The following PARD3B variants were observed in gnomAD, a reference collection of about 807,000 sequenced individuals.
The protein encoded by PARD3B is par-3 family cell polarity regulator beta, also known as partitioning defective 3 homolog B.
In PARD3B, 103 loss-of-function variants were observed where a neutral mutation model predicts 130.2. The observed-to-expected ratio is 0.79, with a 90% CI of 0.67 to 0.93. The LOEUF is 0.93. Among genes scored for constraint, PARD3B ranks in the 40% least tolerant of loss-of-function variants. The pLI, the probability that PARD3B is intolerant of heterozygous loss-of-function variation, is 0.00. For missense variants in PARD3B, 1,609 were observed against 1,499.2 expected, an observed-to-expected ratio of 1.07 and a Z score of -1.21; for synonymous variants, 583 against 553.2, an observed-to-expected ratio of 1.05 and a Z score of -0.76.
chr2:205,348,832 G>A (rs1464615346), intron 18 of PARD3B, among the ~76,000 whole-genome samples: 1 of 151,928 alleles, frequency 6.6e-6, no homozygotes, highest in Non-Finnish European at 1.5e-5. Flanking sequence ...GATTTTTATT[G>A]TACACTGGAA....
At chr2:204,630,171 A>G (rs1159380427) in intron 1 of PARD3B, among the ~76,000 whole-genome samples, 5 of 152,140 alleles carry the variant, frequency 3.3e-5, no homozygotes, top group African/African-American at 1.2e-4. Flanking sequence ...TGATAGTGTT[A>G]TACTCAATCT....
intron 4 of PARD3B, among the ~76,000 whole-genome samples, chr2:205,068,507 C>T (rs1293796241): frequency 6.6e-6 from 1 of 151,902 alleles, no homozygotes; most frequent in Non-Finnish European, 1.5e-5. Flanking sequence ...CATTCTTTTC[C>T]AGTTTATTAA....
intron 16 of PARD3B, among the ~76,000 whole-genome samples, chr2:205,266,750 T>G (rs1444192897): frequency 6.6e-6 from 1 of 152,178 alleles, no homozygotes; most frequent in Non-Finnish European, 1.5e-5. Context: ...AATTAAAGGA[T>G]TCTTTTCAAT....
intron 18 of PARD3B, among the ~76,000 whole-genome samples, chr2:205,330,872 G>A (rs1255583956): frequency 1.3e-5 from 2 of 152,198 alleles, no homozygotes; most frequent in Admixed American, 1.3e-4. Context: ...CTATAATGTG[G>A]TTCCTTAGTC....
At chr2:204,975,265 C>T (rs1575457892) in intron 3 of PARD3B, among the ~76,000 whole-genome samples, 1 of 152,066 alleles carries the variant, frequency 6.6e-6, no homozygotes, top group Admixed American at 6.6e-5. Flanking sequence ...GTCTTTGATT[C>T]GACAGTCTTC....
At chr2:205,040,527 T>A (rs551540894) in intron 3 of PARD3B, among the ~76,000 whole-genome samples, 1 of 152,320 alleles carries the variant, frequency 6.6e-6, no homozygotes, top group East Asian at 1.9e-4. Context: ...AGAGGTATTG[T>A]TCCAGGTGCT....
In PARD3B at chr2:204,943,620, A is replaced by T. The variant is rs1224944540; in HGVS notation, c.223-21532A>T. On this transcript the variant is annotated intron_variant, in intron 2 of 22. Transcript: ENST00000406610. This position sits in a 1 kb window ranked among gnomAD's most constrained non-coding sequence, Gnocchi z 4.2. ...CTAGGGAAGATTTCTTAAGTTACCC[A>T]GTTTGGAATTTATTTTGTTTTATTG... Among the ~76,000 whole-genome samples, 2 of 152,220 alleles carry T rather than the reference A, an allele frequency of 1.3e-5. No individual in the cohort carries two copies. Among genetic ancestry groups the T allele is most frequent in the Non-Finnish European group, 2.9e-5 (2 of 68,042 alleles).
chr2:205,278,102 G>A (rs1158691507), intron 16 of PARD3B, among the ~76,000 whole-genome samples: 4 of 152,134 alleles, frequency 2.6e-5, no homozygotes, highest in African/African-American at 9.7e-5. Context: ...GCTGAGAAGA[G>A]ATCAAACAAA....
At position 204,721,920 on chromosome 2, in the gene PARD3B, A is replaced by G. The variant is rs369947273; in HGVS notation, c.222+35638A>G. ...ACCCTCTATCTCCAGTTTATTAAGAACTACCTCTGCATGCAGAGGCACTTT... is the reference window on the plus strand; with the variant it reads ...ACCCTCTATCTCCAGTTTATTAAGAGCTACCTCTGCATGCAGAGGCACTTT... On this transcript the variant is annotated intron_variant, in intron 2 of 22. Transcript: ENST00000406610. Among the ~76,000 whole-genome samples the G allele has an allele frequency of 2.1e-4, 32 of 152,110 alleles. 1 individual carries two copies. The East Asian group carries it at 3.3e-3, about 16-fold the overall frequency.
intron 22 of PARD3B, among the ~76,000 whole-genome samples, chr2:205,607,985 C>A (rs1343147323): frequency 6.6e-6 from 1 of 152,086 alleles, no homozygotes; most frequent in Non-Finnish European, 1.5e-5. Context: ...ACATCAAAAT[C>A]TTCCTATTGC....
chr2:205,471,775 C>G (rs951320366), intron 20 of PARD3B, among the ~76,000 whole-genome samples: 2 of 152,302 alleles, frequency 1.3e-5, no homozygotes, highest in African/African-American at 4.8e-5. Context: ...TGTCTGTTTA[C>G]ATGCCACATG....
Position 205,473,718 on chromosome 2 carries a change from ACG to A in PARD3B, c.3045-26177_3045-26176del, listed in dbSNP as rs57690360. On this transcript the variant is annotated intron_variant, in intron 20 of 22. Transcript: ENST00000406610. The surrounding 1 kb of genome is among the most constrained non-coding windows in gnomAD (Gnocchi z 4.9). ...TATATATATATATATATACACACAC[ACG>A]TATATAAAACCCTAAATATATATAT... Among the ~76,000 whole-genome samples the A allele has an allele frequency of 4.2e-5, 6 of 141,858 alleles. No homozygotes were observed. Among genetic ancestry groups the A allele is most frequent in the African/African-American group, 1.3e-4 (5 of 37,106 alleles). The allele number at this position is 141,858 out of a possible 152,430, so 93.1% of individuals were successfully genotyped here.
At chr2:205,391,646 T>C (rs1170531074) in intron 18 of PARD3B, among the ~76,000 whole-genome samples, 9 of 152,338 alleles carry the variant, frequency 5.9e-5, no homozygotes, top group Admixed American at 5.2e-4. Flanking sequence ...ATGAAAGCAA[T>C]TAATCAAAGT....
At chr2:205,228,076 A>T (rs1021869125) in intron 15 of PARD3B, among the ~76,000 whole-genome samples, 4 of 152,110 alleles carry the variant, frequency 2.6e-5, no homozygotes, top group African/African-American at 7.2e-5. Context: ...AAGTTGTTGT[A>T]GTTAGTATTT....
chr2:205,480,087 T>C (rs895216407), intron 20 of PARD3B, among the ~76,000 whole-genome samples: 1 of 152,018 alleles, frequency 6.6e-6, no homozygotes, highest in African/African-American at 2.4e-5. Flanking sequence ...TATTTTTTAG[T>C]AGAGATGGGG....
intron 2 of PARD3B, among the ~76,000 whole-genome samples, chr2:204,708,095 G>T (rs1420240197): frequency 6.6e-6 from 1 of 152,142 alleles, no homozygotes; most frequent in Non-Finnish European, 1.5e-5. Flanking sequence ...GTACTCTTCT[G>T]TGACTGAGGG....
At chr2:205,042,741 A>G (rs1248527348) in intron 3 of PARD3B, among the ~76,000 whole-genome samples, 2 of 151,970 alleles carry the variant, frequency 1.3e-5, no homozygotes, top group Admixed American at 1.3e-4. Flanking sequence ...GGTGTACTGA[A>G]ATGTTCCTCA....
At chr2:204,900,355 A>G (rs1333916026) in intron 2 of PARD3B, among the ~76,000 whole-genome samples, 1 of 151,984 alleles carries the variant, frequency 6.6e-6, no homozygotes, top group East Asian at 1.9e-4. Context: ...CCTGTCTTCA[A>G]GCTCACTAAT....
At chr2:204,629,447 C>T (rs1293881464) in intron 1 of PARD3B, among the ~76,000 whole-genome samples, 3 of 152,120 alleles carry the variant, frequency 2.0e-5, no homozygotes, top group Non-Finnish European at 2.9e-5. Flanking sequence ...TCTTCAAAAC[C>T]GTGTTCAGGC....
Sources: allele counts gnomAD v4.1 joint callset (sites outside exome capture counted in the v4.1 genomes callset), GRCh38; gene constraint gnomAD v4.1.1; non-coding constraint Gnocchi (gnomAD v3.1); transcripts MANE v1.5; gene names NCBI Gene and HGNC (gene_info 2026-07-23, HGNC 2026-07-21).